EPB41L5: variants seen among roughly 807,000 people sequenced by gnomAD.
EPB41L5 encodes band 4.1-like protein 5.
Under a neutral mutation model 106.6 loss-of-function variants are expected in EPB41L5, and 55 were observed. The ratio of observed to expected loss-of-function variants is 0.52; its 90% CI spans 0.42 to 0.65. EPB41L5 has a LOEUF of 0.65. Among genes scored for constraint, EPB41L5 ranks in the 30% least tolerant of loss-of-function variants. The pLI, the probability that EPB41L5 is intolerant of heterozygous loss-of-function variation, is 0.00. For synonymous variants in EPB41L5, 297 were observed against 306.7 expected (o/e 0.97, Z 0.33); for missense variants, 871 against 882.1 (o/e 0.99, Z 0.16).
chr2:120,143,604 A>G (rs752732315), intron 19 of EPB41L5, among the ~76,000 whole-genome samples: 6 of 152,086 alleles, frequency 3.9e-5, no homozygotes, highest in Non-Finnish European at 8.8e-5. Flanking sequence ...GTGACTTTCA[A>G]ACTTACATTC....
At position 120,178,633 on chromosome 2, in the gene EPB41L5, C is replaced by T. The variant is rs1326149875; in HGVS notation, c.*3726C>T. On this transcript the variant is annotated 3_prime_UTR_variant, in exon 25 of 25. Coordinates refer to ENST00000263713, the MANE Select transcript of EPB41L5 (RefSeq NM_020909.4). ...TCAGTGGTCAGAAGAAAGTTGGAAA[C>T]TTTTCCTACATATTAGGCGTTAGTA... 1 of 152,248 alleles carries T rather than the reference C, an allele frequency of 6.6e-6. No individual in the cohort carries two copies. The highest frequency in any genetic ancestry group is 2.1e-4 in the South Asian group (1 of 4,834). The allele number at this position is 152,248 out of a possible 1,614,324, so 9.4% of individuals were successfully genotyped here.
intron 24 of EPB41L5, among the ~76,000 whole-genome samples, chr2:120,169,980 A>G (rs991884770): frequency 2.0e-5 from 3 of 152,252 alleles, no homozygotes; most frequent in African/African-American, 7.2e-5. Flanking sequence ...AGGTTTGGCA[A>G]CATCTACTAA....
At chr2:120,035,654 G>C (rs1469707114) in intron 2 of EPB41L5, among the ~76,000 whole-genome samples, 1 of 152,046 alleles carries the variant, frequency 6.6e-6, no homozygotes, top group African/African-American at 2.4e-5. Context: ...ATTCTGGCCT[G>C]GGCAACATGG....
At chr2:120,062,861 T>G (rs902663924) in intron 3 of EPB41L5, among the ~76,000 whole-genome samples, 9 of 133,238 alleles carry the variant, frequency 6.8e-5, no homozygotes, top group Non-Finnish European at 1.4e-4. Context: ...AGATATGGAC[T>G]GAATACCACA....
At chr2:120,040,284 G>C (rs1187488065) in intron 2 of EPB41L5, among the ~76,000 whole-genome samples, 1 of 152,116 alleles carries the variant, frequency 6.6e-6, no homozygotes. Flanking sequence ...CTTGTACACA[G>C]TACAGTGAAA....
intron 18 of EPB41L5, among the ~76,000 whole-genome samples, chr2:120,140,665 G>C (rs891711030): frequency 6.6e-6 from 1 of 151,914 alleles, no homozygotes; most frequent in African/African-American, 2.4e-5. Context: ...TTGGATTTTC[G>C]TATTTGGAAT....
intron 2 of EPB41L5, among the ~76,000 whole-genome samples, chr2:120,020,368 A>C (rs1677838925): frequency 6.6e-6 from 1 of 152,218 alleles, no homozygotes; most frequent in African/African-American, 2.4e-5. Flanking sequence ...TAACTTAATA[A>C]TTTGGAATGT....
chr2:120,120,849 C>T (rs944442250), intron 16 of EPB41L5, among the ~76,000 whole-genome samples: 25 of 152,336 alleles, frequency 1.6e-4, no homozygotes, highest in African/African-American at 5.8e-4. Flanking sequence ...GGTACAGTGG[C>T]TCACGCCTGC....
intron 3 of EPB41L5, among the ~76,000 whole-genome samples, chr2:120,068,354 C>T (rs551385962): frequency 9.2e-5 from 14 of 152,280 alleles, no homozygotes; most frequent in African/African-American, 3.1e-4. Context: ...ACTGGGTGGC[C>T]GTTTGGGCAG....
At chr2:120,172,582 A>G (rs1174245965) in intron 24 of EPB41L5, among the ~76,000 whole-genome samples, 2 of 152,208 alleles carry the variant, frequency 1.3e-5, no homozygotes, top group Admixed American at 6.5e-5. Flanking sequence ...ATTTTTAGAC[A>G]TACAGTTTCC....
At chr2:120,117,665 G>A (rs1278825142) in intron 16 of EPB41L5, among the ~76,000 whole-genome samples, 1 of 152,060 alleles carries the variant, frequency 6.6e-6, no homozygotes, top group Non-Finnish European at 1.5e-5. Flanking sequence ...GGTACACTTG[G>A]TGCAATAAAG....
At chr2:120,149,250 A>G (rs576666516) in intron 20 of EPB41L5, among the ~76,000 whole-genome samples, 5 of 152,214 alleles carry the variant, frequency 3.3e-5, no homozygotes, top group Non-Finnish European at 7.3e-5. Flanking sequence ...GTGCAATTCA[A>G]TAGTTTTTGG....
chr2:120,069,355 C>T (rs537403246), intron 3 of EPB41L5, among the ~76,000 whole-genome samples: 4 of 152,064 alleles, frequency 2.6e-5, no homozygotes, highest in Admixed American at 2.0e-4. Flanking sequence ...GACTTAGACT[C>T]CCACACATTA....
At chr2:120,101,355 G>T (rs1259455417) in intron 16 of EPB41L5, among the ~76,000 whole-genome samples, 1 of 152,134 alleles carries the variant, frequency 6.6e-6, no homozygotes, top group Non-Finnish European at 1.5e-5. Flanking sequence ...AGACTTCCAG[G>T]TTCTTTTTTT....
intron 3 of EPB41L5, among the ~76,000 whole-genome samples, chr2:120,059,894 A>G (rs1372912633): frequency 6.6e-6 from 1 of 152,216 alleles, no homozygotes; most frequent in Non-Finnish European, 1.5e-5. Context: ...CAAAAACAAA[A>G]CAAAACAAGC....
chr2:120,098,464 C>T (rs757127707), intron 14 of EPB41L5, among the ~76,000 whole-genome samples: 2 of 152,136 alleles, frequency 1.3e-5, no homozygotes, highest in Non-Finnish European at 2.9e-5. Flanking sequence ...CCTCCTGCCT[C>T]GGCCCCTGAG....
intron 17 of EPB41L5, among the ~76,000 whole-genome samples, chr2:120,130,230 T>G (rs1339141830): frequency 1.2e-5 from 1 of 83,890 alleles, no homozygotes; most frequent in African/African-American, 5.6e-5. Flanking sequence ...GTTGTCAAGG[T>G]TGTGGCAGAG....
At chr2:120,116,872 G>A (rs541328746) in intron 16 of EPB41L5, among the ~76,000 whole-genome samples, 183 of 152,084 alleles carry the variant, frequency 1.2e-3, no homozygotes, top group African/African-American at 4.3e-3. Flanking sequence ...AAGAATGAAT[G>A]TCAAAATACA....
In EPB41L5 at chr2:120,174,993, C is replaced by T. The variant is rs1461475473; in HGVS notation, c.*86C>T. The T allele has an allele frequency of 1.3e-5, 17 of 1,308,510 alleles. No individual in the cohort carries two copies. Among genetic ancestry groups the T allele is most frequent in the Non-Finnish European group, 1.9e-5 (17 of 903,716 alleles). 81.1% of individuals were successfully genotyped at this position (1,308,510 alleles called of 1,614,324 possible). On this transcript the variant is annotated 3_prime_UTR_variant, in exon 25 of 25. Coordinates refer to ENST00000263713, the MANE Select transcript of EPB41L5 (RefSeq NM_020909.4). ...AATATGTTGGATTCAGGAGCTTGTCCATTATTTGTAGGTAAAAAAAGCTGC... is the reference window on the plus strand; with the variant it reads ...AATATGTTGGATTCAGGAGCTTGTCTATTATTTGTAGGTAAAAAAAGCTGC...
Sources: gnomAD v4.1 joint callset for allele counts (sites outside exome capture counted in the v4.1 genomes callset) on GRCh38, gnomAD v4.1.1 for gene constraint, MANE v1.5 for transcripts, NCBI Gene and HGNC (gene_info 2026-07-23, HGNC 2026-07-21) for gene names.